Variants in ULK4 observed in about 807,000 individuals in gnomAD.
The protein encoded by ULK4 is unc-51 like kinase 4, also known as inactive serine/threonine-protein kinase ULK4.
In ULK4, 133 loss-of-function variants were observed where a neutral mutation model predicts 160.6. That is an observed-to-expected ratio of 0.83 (90% confidence interval 0.72 to 0.96). ULK4 has a LOEUF of 0.96. ULK4 is among the 40% of genes least tolerant of loss of function. The probability of loss-of-function intolerance (pLI) is 0.00; values close to 1 mark genes in which losing one functional copy is unlikely to be tolerated. For missense variants in ULK4, 1,580 were observed against 1,499.5 expected (o/e 1.05, Z -0.89); for synonymous variants, 534 against 539.8 (o/e 0.99, Z 0.15).
At chr3:41,468,472 G>C (rs1314246420) in intron 32 of ULK4, among the ~76,000 whole-genome samples, 1 of 152,100 alleles carries the variant, frequency 6.6e-6, no homozygotes, top group Non-Finnish European at 1.5e-5. Context: ...TGGGTGTCAA[G>C]AATGTCTAGT....
At chr3:41,623,851 AC>A (rs2033367303) in intron 30 of ULK4, among the ~76,000 whole-genome samples, 1 of 152,210 alleles carries the variant, frequency 6.6e-6, no homozygotes, top group Non-Finnish European at 1.5e-5. Flanking sequence ...AAATGATAGC[AC>A]GTGAAGTGAT....
chr3:41,739,070 T>C (rs188683162), intron 22 of ULK4, among the ~76,000 whole-genome samples: 6 of 152,054 alleles, frequency 3.9e-5, no homozygotes, highest in Non-Finnish European at 8.8e-5. Context: ...TGATAGAGAA[T>C]AAACATTACG....
At chr3:41,776,638 T>C (rs1294481024) in intron 21 of ULK4, among the ~76,000 whole-genome samples, 1 of 113,864 alleles carries the variant, frequency 8.8e-6, no homozygotes, top group African/African-American at 3.1e-5. Context: ...TGAAGGGTTG[T>C]TGAATTTTGT....
At chr3:41,736,904 T>C (rs376317533) in intron 22 of ULK4, among the ~76,000 whole-genome samples, 2 of 152,012 alleles carry the variant, frequency 1.3e-5, no homozygotes, top group East Asian at 3.9e-4. Flanking sequence ...TTCAGCTTTC[T>C]ACATATGGCT....
intron 31 of ULK4, among the ~76,000 whole-genome samples, chr3:41,570,013 G>T (rs978893129): frequency 1.3e-5 from 2 of 152,154 alleles, no homozygotes; most frequent in Non-Finnish European, 2.9e-5. Flanking sequence ...AGATGGTGAG[G>T]CTTCTAATGG....
At chr3:41,616,607 C>T (rs114429311) in intron 30 of ULK4, among the ~76,000 whole-genome samples, 288 of 152,294 alleles carry the variant, frequency 1.9e-3, no homozygotes, top group Admixed American at 3.2e-3. Context: ...CTGGTTACTA[C>T]GCTTTTCCCA....
chr3:41,666,974 C>T (rs1025078208), intron 29 of ULK4, among the ~76,000 whole-genome samples: 1 of 151,614 alleles, frequency 6.6e-6, no homozygotes, highest in Non-Finnish European at 1.5e-5. Flanking sequence ...GAGACCCTGT[C>T]TATAAAAAAA....
intron 17 of ULK4, among the ~76,000 whole-genome samples, chr3:41,838,016 G>C (rs922400760): frequency 6.6e-6 from 1 of 152,138 alleles, no homozygotes; most frequent in African/African-American, 2.4e-5. Context: ...CCTTGCAGCA[G>C]GTCACTTCTA....
rs117539977 is a variant in ULK4 at position 41,818,057 on chromosome 3, C to A, written c.1848+1366G>T. ...TGAAGAAAGGACAACTCTTCCATAC[C>A]GTTGGTGGGAATGTAAATTAGTAAA... is the stretch of plus-strand genomic sequence containing the variant. On this transcript the variant is annotated intron_variant, in intron 19 of 36. Transcript: ENST00000301831. Among the ~76,000 whole-genome samples, 1,172 of 148,734 alleles carry A rather than the reference C, an allele frequency of 7.9e-3. 46 individuals carry two copies. In the East Asian group the frequency reaches 0.13, roughly 16 times the overall value.
At chr3:41,347,440 T>A (rs1319182712) in intron 35 of ULK4, among the ~76,000 whole-genome samples, 6 of 152,216 alleles carry the variant, frequency 3.9e-5, no homozygotes, top group African/African-American at 9.6e-5. Flanking sequence ...TCAAAAATCA[T>A]GAGATAGTCA....
chr3:41,456,214 G>T (rs367870120), intron 33 of ULK4, among the ~76,000 whole-genome samples: 29 of 152,244 alleles, frequency 1.9e-4, no homozygotes, highest in Middle Eastern at 3.4e-3. Context: ...CCAGCCAAAA[G>T]TGCTTTATCT....
At chr3:41,657,835 A>C (rs928812628) in intron 30 of ULK4, among the ~76,000 whole-genome samples, 2 of 142,514 alleles carry the variant, frequency 1.4e-5, no homozygotes, top group South Asian at 4.5e-4. Flanking sequence ...AAAAAAAAAA[A>C]CACACACCAC....
At chr3:41,678,670 T>C (rs888782247) in intron 29 of ULK4, among the ~76,000 whole-genome samples, 3 of 152,178 alleles carry the variant, frequency 2.0e-5, no homozygotes, top group Non-Finnish European at 4.4e-5. Flanking sequence ...TGTTTGCAAA[T>C]AAAGTCTTGA....
At chr3:41,822,355 T>C (rs561962405) in intron 18 of ULK4, among the ~76,000 whole-genome samples, 1 of 152,348 alleles carries the variant, frequency 6.6e-6, no homozygotes, top group East Asian at 1.9e-4. Flanking sequence ...TCTTCCTTAA[T>C]AGTGCTTAGT....
At chr3:41,737,608 C>T (rs890192125) in intron 22 of ULK4, among the ~76,000 whole-genome samples, 2 of 151,886 alleles carry the variant, frequency 1.3e-5, no homozygotes, top group Non-Finnish European at 2.9e-5. Context: ...TATCTAAGTC[C>T]ATTTTTATCT....
chr3:41,863,084 A>T (rs1717030), intron 17 of ULK4, among the ~76,000 whole-genome samples: 11,237 of 152,214 alleles, frequency 0.074, 1,312 homozygotes, highest in African/African-American at 0.25. Flanking sequence ...AGTGCCATCC[A>T]GGAGTCAGGG....
chr3:41,862,386 A>G (rs574800402), intron 17 of ULK4, among the ~76,000 whole-genome samples: 1 of 152,156 alleles, frequency 6.6e-6, no homozygotes, highest in Non-Finnish European at 1.5e-5. Flanking sequence ...TTTCTCCAGG[A>G]TTGGTCCCTC....
chr3:41,881,328 A>G (rs113340300), intron 17 of ULK4, among the ~76,000 whole-genome samples: 5,981 of 149,648 alleles, frequency 0.04, 385 homozygotes, highest in African/African-American at 0.14. Flanking sequence ...AAGATGAAAC[A>G]TGGTACCATG....
At chr3:41,923,046 C>T (rs2148815528) in intron 5 of ULK4, among the ~76,000 whole-genome samples, 1 of 151,634 alleles carries the variant, frequency 6.6e-6, no homozygotes, top group South Asian at 2.1e-4. Flanking sequence ...TGGTGGCAGG[C>T]ACCTGTAAGC....
Sources: allele counts gnomAD v4.1 joint callset (sites outside exome capture counted in the v4.1 genomes callset), GRCh38; gene constraint gnomAD v4.1.1; transcripts MANE v1.5; gene names NCBI Gene and HGNC (gene_info 2026-07-23, HGNC 2026-07-21).